Variants in RIT2 observed in about 807,000 individuals in gnomAD.
RIT2 encodes the protein Ras like without CAAX 2.
RIT2 carries 24 observed loss-of-function variants against 23.7 expected under a neutral mutation model. The observed-to-expected ratio is 1.01, with a 90% CI of 0.73 to 1.43. The LOEUF is 1.43. Ranked by LOEUF, RIT2 falls within the 40% of genes most tolerant of loss-of-function variation. The probability of loss-of-function intolerance (pLI) is 0.00; values close to 1 mark genes in which losing one functional copy is unlikely to be tolerated. For missense variants in RIT2, 236 were observed against 266.9 expected (o/e 0.88, Z 0.81); for synonymous variants, 107 against 91.1 (o/e 1.17, Z -0.99).
chr18:43,090,344 T>C (rs1913391767), intron 1 of RIT2, among the ~76,000 whole-genome samples: 1 of 152,128 alleles, frequency 6.6e-6, no homozygotes, highest in Non-Finnish European at 1.5e-5. Context: ...CCATTCAGAA[T>C]GGCTATTACT....
chr18:42,958,115 T>C (rs894564868), intron 3 of RIT2, among the ~76,000 whole-genome samples: 1 of 152,158 alleles, frequency 6.6e-6, no homozygotes, highest in Non-Finnish European at 1.5e-5. Context: ...AGCCATGGAT[T>C]GCTCACCTTT....
rs539384754 is a variant in RIT2 at position 42,895,811 on chromosome 18, G to C, written c.426+27761C>G. Among the ~76,000 whole-genome samples, 6 of 152,282 alleles carry C rather than the reference G, an allele frequency of 3.9e-5. No individual in the cohort carries two copies. In the South Asian group the frequency reaches 1.0e-3, roughly 26 times the overall value. ...CTCTCAGTCACAATGCAGAGTGGAA[G>C]GAGCAAGTTGCACAGCAATATGGGC... On this transcript the variant is annotated intron_variant, in intron 4 of 4. Transcript: ENST00000326695.
intron 3 of RIT2, among the ~76,000 whole-genome samples, chr18:42,964,164 C>G (rs551090658): frequency 4.6e-5 from 7 of 152,106 alleles, no homozygotes; most frequent in Admixed American, 1.3e-4. Context: ...GCACTCCAGC[C>G]TGGGCGAAAG....
At chr18:43,108,030 C>T (rs577737369) in intron 1 of RIT2, among the ~76,000 whole-genome samples, 7 of 145,694 alleles carry the variant, frequency 4.8e-5, no homozygotes, top group South Asian at 2.2e-4. Context: ...AAAAATTAAC[C>T]GGGCATGGTG....
chr18:43,014,502 A>G (rs905015398), intron 2 of RIT2, among the ~76,000 whole-genome samples: 7 of 151,752 alleles, frequency 4.6e-5, no homozygotes, highest in African/African-American at 1.7e-4. Flanking sequence ...GCATGTGAAC[A>G]TATGATCATA....
At chr18:42,785,934 C>T (rs1234471873) in intron 4 of RIT2, among the ~76,000 whole-genome samples, 1 of 152,096 alleles carries the variant, frequency 6.6e-6, no homozygotes, top group Non-Finnish European at 1.5e-5. Flanking sequence ...GTTAAAAATA[C>T]CTTTCTTAAA....
chr18:42,995,101 T>A (rs1464651643), intron 2 of RIT2, among the ~76,000 whole-genome samples: 3 of 152,146 alleles, frequency 2.0e-5, no homozygotes, highest in Admixed American at 6.5e-5. Flanking sequence ...TTGATGGCAG[T>A]TAAACCAGGC....
chr18:42,951,463 A>G (rs1176357599), intron 3 of RIT2, among the ~76,000 whole-genome samples: 1 of 152,024 alleles, frequency 6.6e-6, no homozygotes, highest in Non-Finnish European at 1.5e-5. Flanking sequence ...TTGAAAAACT[A>G]ACAGCTGGAT....
chr18:42,944,933 T>C (rs996831964), intron 3 of RIT2, among the ~76,000 whole-genome samples: 2 of 152,084 alleles, frequency 1.3e-5, no homozygotes, highest in African/African-American at 4.8e-5. Context: ...CTGGAAAGTC[T>C]CTCTGCATTG....
intron 2 of RIT2, among the ~76,000 whole-genome samples, chr18:42,982,584 A>C (rs1910621383): frequency 6.6e-6 from 1 of 152,206 alleles, no homozygotes; most frequent in Non-Finnish European, 1.5e-5. Flanking sequence ...GCTTCAGCTA[A>C]CATGATACAG....
chr18:43,053,737 T>G (rs1245220853), intron 1 of RIT2, among the ~76,000 whole-genome samples: 2 of 152,094 alleles, frequency 1.3e-5, no homozygotes, highest in Admixed American at 6.6e-5. Flanking sequence ...TATCAAATAT[T>G]GACAGATACA....
chr18:42,977,744 C>T (rs1289723674), intron 2 of RIT2, among the ~76,000 whole-genome samples: 1 of 150,338 alleles, frequency 6.7e-6, no homozygotes, highest in Non-Finnish European at 1.5e-5. Flanking sequence ...AGCATAAATG[C>T]CACTTCAAGG....
At chr18:43,077,676 G>T (rs1913058087) in intron 1 of RIT2, among the ~76,000 whole-genome samples, 1 of 152,136 alleles carries the variant, frequency 6.6e-6, no homozygotes, top group African/African-American at 2.4e-5. Context: ...AATGTAGCAA[G>T]CGCTTTTTAT....
chr18:42,882,913 A>G (rs1907930640), intron 4 of RIT2, among the ~76,000 whole-genome samples: 1 of 152,140 alleles, frequency 6.6e-6, no homozygotes, highest in South Asian at 2.1e-4. Context: ...CTTATATAAC[A>G]TCTGGCAGTA....
intron 3 of RIT2, among the ~76,000 whole-genome samples, chr18:42,946,838 T>C (rs1909739013): frequency 6.6e-6 from 1 of 151,930 alleles, no homozygotes; most frequent in Non-Finnish European, 1.5e-5. Flanking sequence ...AAAGAAAAAA[T>C]ATGAAAGGTC....
intron 1 of RIT2, among the ~76,000 whole-genome samples, chr18:43,091,121 A>C (rs900407066): frequency 1.3e-5 from 2 of 151,918 alleles, no homozygotes; most frequent in Admixed American, 6.6e-5. Flanking sequence ...TTTAAAGTAA[A>C]TAAACAGAAT....
intron 4 of RIT2, among the ~76,000 whole-genome samples, chr18:42,853,750 T>C (rs1029059415): frequency 3.9e-5 from 6 of 152,190 alleles, no homozygotes; most frequent in Admixed American, 6.5e-5. Flanking sequence ...TTTTCAGTAA[T>C]TGTATGGATT....
chr18:43,060,572 CAGT>C (rs1269584147), intron 1 of RIT2, among the ~76,000 whole-genome samples: 1 of 152,050 alleles, frequency 6.6e-6, no homozygotes, highest in African/African-American at 2.4e-5. Context: ...AGCTGGACAC[CAGT>C]GATGGGATCC....
At chr18:42,804,349 T>G (rs1402521076) in intron 4 of RIT2, among the ~76,000 whole-genome samples, 1 of 150,832 alleles carries the variant, frequency 6.6e-6, no homozygotes, top group Non-Finnish European at 1.5e-5. Context: ...AGGTTAGGAG[T>G]TCAAGACCAG....
Sources: gnomAD v4.1 joint callset for allele counts (sites outside exome capture counted in the v4.1 genomes callset) on GRCh38, gnomAD v4.1.1 for gene constraint, MANE v1.5 for transcripts, NCBI Gene and HGNC (gene_info 2026-07-23, HGNC 2026-07-21) for gene names.